Variants in AKAP11 observed in about 807,000 individuals in gnomAD.
The protein encoded by AKAP11 is A-kinase anchor protein 11.
A neutral mutation model predicts 146.1 loss-of-function variants in AKAP11; 36 were observed. The ratio of observed to expected loss-of-function variants is 0.25; its 90% CI spans 0.19 to 0.33. The LOEUF is 0.33. AKAP11 is among the 10% of genes least tolerant of loss of function. AKAP11 has a pLI of 1.00. For synonymous variants in AKAP11, 780 were observed against 786.5 expected, an observed-to-expected ratio of 0.99 and a Z score of 0.14; for missense variants, 2,201 against 2,197.0, an observed-to-expected ratio of 1.00 and a Z score of -0.04.
In AKAP11 at chr13:42,295,734, C is replaced by G. The variant is rs1959475392; in HGVS notation, c.208C>G (p.His70Asp). ...LGFNEETDAAHIQDLAAVSLE... is the reference protein window; with the variant it reads ...LGFNEETDAADIQDLAAVSLE... ...TTTTAATGAAGAGACAGATGCTGCT[C>G]ATATACAGGTATGGTGAATTTTAGC... Residue 70 changes from histidine to aspartate, a missense_variant, in exon 5 of 13, where the codon CAT (histidine) becomes GAT (aspartate). His to Asp is a moderately conservative substitution (Grantham distance 81, BLOSUM62 -1). Around this residue, in one of 3 missense-constraint regions of AKAP11, gnomAD observed 331 missense variants for 347.4 expected, o/e 0.95. Coordinates refer to ENST00000025301, the MANE Select transcript of AKAP11 (RefSeq NM_016248.4). 1 of 1,610,068 alleles carries G rather than the reference C, an allele frequency of 6.2e-7. No homozygotes were observed. Among genetic ancestry groups the G allele is most frequent in the Non-Finnish European group, 8.5e-7 (1 of 1,178,916 alleles).
At chr13:42,271,580 C>T (rs1401679899), upstream of AKAP11, among the ~76,000 whole-genome samples, 3 of 152,204 alleles carry the variant, frequency 2.0e-5, no homozygotes, top group Non-Finnish European at 4.4e-5. Context: ...GAAAGCAAAA[C>T]TAGCCTTGTG....
At chr13:42,317,712 T>G (rs1486636670) in intron 12 of AKAP11, 24 bp downstream of exon 12, 2 of 1,605,856 alleles carry the variant, frequency 1.2e-6, no homozygotes, top group Non-Finnish European at 1.7e-6. Flanking sequence ...TTACAGAGTG[T>G]GAGGATACAT....
At chr13:42,296,180 C>G (rs1324973689) in intron 5 of AKAP11, among the ~76,000 whole-genome samples, 1 of 152,082 alleles carries the variant, frequency 6.6e-6, no homozygotes, top group Admixed American at 6.6e-5. Context: ...ATTTGTGATT[C>G]CTACATATTT....
Position 42,299,637 on chromosome 13 carries a change from A to T in AKAP11, c.891A>T (p.Thr297=), listed in dbSNP as rs753235311. Residue 297 remains threonine, a synonymous_variant, in exon 8 of 13, where the codon ACA becomes ACT. Coordinates refer to ENST00000025301, the MANE Select transcript of AKAP11 (RefSeq NM_016248.4). ...ATAAAGATAGTGATTTACAGAAAAC[A>T]TTTTTTTCGTCTTCTCCTGCCTACT... ...ASDKDSDLQK[T]FFSSSPAYSS... is the part of the protein sequence containing the mutation. 1.2e-6 allele frequency: 2 copies of T among 1,613,836 alleles called. No individual in the cohort carries two copies. The highest frequency in any genetic ancestry group is 1.3e-5 in the African/African-American group (1 of 75,006).
intron 1 of AKAP11, among the ~76,000 whole-genome samples, chr13:42,279,013 T>G (rs1283163418): frequency 6.6e-6 from 1 of 152,146 alleles, no homozygotes; most frequent in African/African-American, 2.4e-5. Flanking sequence ...GTGAAGTCTG[T>G]TGTCCTTGGT....
chr13:42,281,543 A>C (rs1293822587), intron 1 of AKAP11, among the ~76,000 whole-genome samples: 1 of 152,206 alleles, frequency 6.6e-6, no homozygotes, highest in East Asian at 1.9e-4. Flanking sequence ...CTTAGGTCAG[A>C]GGAGATAAGG....
At chr13:42,277,456 A>G (rs565489031) in intron 1 of AKAP11, among the ~76,000 whole-genome samples, 2 of 152,344 alleles carry the variant, frequency 1.3e-5, no homozygotes, top group East Asian at 3.9e-4. Context: ...TTTGTCAACT[A>G]GACCCATGTT....
intron 9 of AKAP11, among the ~76,000 whole-genome samples, chr13:42,311,164 T>C (rs1466408058): frequency 6.6e-6 from 1 of 152,190 alleles, no homozygotes; most frequent in Admixed American, 6.5e-5. Context: ...AGTCTTGATA[T>C]GGCTAAAAGC....
chr13:42,278,668 T>C (rs1049466548), intron 1 of AKAP11, among the ~76,000 whole-genome samples: 3 of 152,214 alleles, frequency 2.0e-5, no homozygotes, highest in Non-Finnish European at 4.4e-5. Context: ...TAAACAGTTA[T>C]ATTTTAACTG....
chr13:42,292,998 A>G (rs1314192116), intron 4 of AKAP11, among the ~76,000 whole-genome samples: 3 of 152,152 alleles, frequency 2.0e-5, no homozygotes, highest in Non-Finnish European at 4.4e-5. Flanking sequence ...TTGCTCACCT[A>G]TTTCTCTGCT....
intron 1 of AKAP11, among the ~76,000 whole-genome samples, chr13:42,280,832 T>G (rs1388595704): frequency 6.6e-6 from 1 of 151,966 alleles, no homozygotes; most frequent in Non-Finnish European, 1.5e-5. Flanking sequence ...GAGGGTAGAT[T>G]TGAGAGAAGT....
chr13:42,284,297 T>C (rs1959124334), intron 1 of AKAP11, among the ~76,000 whole-genome samples: 1 of 152,206 alleles, frequency 6.6e-6, no homozygotes, highest in African/African-American at 2.4e-5. Flanking sequence ...CAAAGAAGTA[T>C]TTCCAGGGTT....
intron 12 of AKAP11, 56 bp downstream of exon 12, chr13:42,317,744 G>T (rs1960890890): frequency 3.2e-6 from 5 of 1,553,872 alleles, no homozygotes; most frequent in Non-Finnish European, 4.4e-6. Context: ...TGATGTTCTT[G>T]TCATGTGATT....
At chr13:42,318,930 G>C (rs755635418) in intron 12 of AKAP11, among the ~76,000 whole-genome samples, 158 bp from the exon 13 acceptor site, 3 of 152,172 alleles carry the variant, frequency 2.0e-5, no homozygotes, top group Admixed American at 6.5e-5. Context: ...TTGGGTAAAG[G>C]GGTAGCGGTT....
chr13:42,272,118 G>A (rs1028466496), upstream of AKAP11: 2 of 151,020 alleles, frequency 1.3e-5, no homozygotes, highest in African/African-American at 4.9e-5. Context: ...GGGGCTGGGA[G>A]GGGGAGGGCT....
At position 42,299,770 on chromosome 13, in the gene AKAP11, A is replaced by G. The variant is rs772607102; in HGVS notation, c.1024A>G (p.Lys342Glu). Residue 342 changes from lysine (K) to glutamate (E), a missense_variant, in exon 8 of 13, where the codon AAA becomes GAA. Lys to Glu is a moderately conservative substitution (Grantham distance 56, BLOSUM62 1). This residue lies in a region of AKAP11 where 1,867 missense variants were observed against 1,833.5 expected (regional missense o/e 1.02). Transcript: ENST00000025301. ...TGAGCTGCCTAAAATTCCTGTGATG[A>G]AAGATGATATAGAGGATTCAGACTC... is the stretch of plus-strand genomic sequence containing the variant. Reference protein sequence around the residue: ...KLELPKIPVMKDDIEDSDSEV... With the variant: ...KLELPKIPVMEDDIEDSDSEV... The G allele has an allele frequency of 6.2e-7, 1 of 1,613,960 alleles. No individual in the cohort carries two copies. Among genetic ancestry groups the G allele is most frequent in the Non-Finnish European group, 8.5e-7 (1 of 1,179,898 alleles).
chr13:42,277,127 C>G (rs973049317), intron 1 of AKAP11, among the ~76,000 whole-genome samples: 1 of 152,056 alleles, frequency 6.6e-6, no homozygotes, highest in Non-Finnish European at 1.5e-5. Context: ...TATAATATTG[C>G]CATACACATA....
intron 8 of AKAP11, among the ~76,000 whole-genome samples, chr13:42,305,164 G>A (rs572668764): frequency 1.4e-4 from 21 of 152,330 alleles, no homozygotes; most frequent in Admixed American, 3.9e-4. Context: ...GATGATATTT[G>A]TAAGTCCTGC....
chr13:42,301,915 G>A lies in AKAP11; in HGVS notation c.3169G>A (p.Ala1057Thr). ...KHNLNSTSLE[A>T]LSFGQENPFP... is the part of the protein sequence containing the mutation. ...TAACTTGAATAGTACATCACTTGAG[G>A]CCTTGTCTTTTGGACAGGAAAACCC... The change falls in exon 8 of 13, where the codon GCC (alanine) becomes ACC (threonine). Residue 1057 changes from alanine to threonine, a missense_variant. Ala to Thr is a moderately conservative substitution (Grantham distance 58). This residue lies in a region of AKAP11 where 1,867 missense variants were observed against 1,833.5 expected (regional missense o/e 1.02). Transcript: ENST00000025301. The A allele has an allele frequency of 6.2e-7, 1 of 1,614,104 alleles. No homozygotes were observed. Among genetic ancestry groups the A allele is most frequent in the Non-Finnish European group, 8.5e-7 (1 of 1,180,000 alleles).
Sources: gnomAD v4.1 joint callset for allele counts (sites outside exome capture counted in the v4.1 genomes callset) on GRCh38, gnomAD v4.1.1 for gene constraint, gnomAD v4.1.1 regional missense constraint, MANE v1.5 for transcripts, NCBI Gene and HGNC (gene_info 2026-07-23, HGNC 2026-07-21) for gene names.